Variants in C1GALT1 observed in about 807,000 individuals in gnomAD.
C1GALT1 encodes core 1 synthase, glycoprotein-N-acetylgalactosamine 3-beta-galactosyltransferase 1.
C1GALT1 carries 11 observed loss-of-function variants against 31.0 expected under a neutral mutation model. The observed-to-expected ratio is 0.36, with a 90% CI of 0.22 to 0.59. The LOEUF is 0.59. C1GALT1 is among the 20% of genes least tolerant of loss of function. C1GALT1 has a pLI of 0.79. For missense variants in C1GALT1, 424 were observed against 425.2 expected, an observed-to-expected ratio of 1.00 and a Z score of 0.03; for synonymous variants, 175 against 143.6, an observed-to-expected ratio of 1.22 and a Z score of -1.56.
chr7:7,205,683 C>G (rs1444079962), intron 1 of C1GALT1, among the ~76,000 whole-genome samples: 1 of 151,994 alleles, frequency 6.6e-6, no homozygotes, highest in Non-Finnish European at 1.5e-5. Flanking sequence ...CTTTTGTAAC[C>G]TTTTTTGATT....
At chr7:7,231,451 C>G (rs949116755) in intron 1 of C1GALT1, among the ~76,000 whole-genome samples, 1 of 152,158 alleles carries the variant, frequency 6.6e-6, no homozygotes, top group Non-Finnish European at 1.5e-5. Flanking sequence ...TTAACACTTA[C>G]ATTAGACCCT....
In C1GALT1 at chr7:7,205,724, C is replaced by T. The variant is rs549776247; in HGVS notation, c.-18+22904C>T. Among the ~76,000 whole-genome samples the T allele has an allele frequency of 4.6e-5, 7 of 152,204 alleles. No homozygotes were observed. The East Asian group carries it at 1.3e-3, about 29-fold the overall frequency. Reference sequence around the variant, plus strand: ...TCAATTTTGTCTGATATTAGTATGGCACTTCTGTTCTCTTTGTTCTTGTAT... The same window carrying T: ...TCAATTTTGTCTGATATTAGTATGGTACTTCTGTTCTCTTTGTTCTTGTAT... On this transcript the variant is annotated intron_variant, in intron 1 of 3. Coordinates refer to ENST00000436587, the MANE Select transcript of C1GALT1 (RefSeq NM_020156.5).
upstream of C1GALT1, among the ~76,000 whole-genome samples, chr7:7,179,575 G>A (rs1194984123): frequency 6.6e-6 from 1 of 152,146 alleles, no homozygotes; most frequent in Non-Finnish European, 1.5e-5. Flanking sequence ...TATATATAGT[G>A]CTAAATAAAT....
In C1GALT1 at chr7:7,183,202, GCCGGGCCCTCCCAGTCCCTCCTC is replaced by G. The variant is rs1192612356; in HGVS notation, c.-18+395_-18+417del. Reference sequence around the variant, plus strand: ...CCGGACCACTTAGCGGTCCTGCCCCGCCGGGCCCTCCCAGTCCCTCCTCCCGGGCCCTCCCCGCCCCGCCGCAG... The same window carrying G: ...CCGGACCACTTAGCGGTCCTGCCCCGCCGGGCCCTCCCCGCCCCGCCGCAG... On this transcript the variant is annotated intron_variant, in intron 1 of 3. Coordinates refer to ENST00000436587, the MANE Select transcript of C1GALT1 (RefSeq NM_020156.5). 3.5e-4 allele frequency among the ~76,000 whole-genome samples: 52 copies of G among 146,890 alleles called. No individual in the cohort carries two copies. The East Asian group carries it at 9.0e-3, about 25-fold the overall frequency.
chr7:7,171,084 C>A (rs952579045), intron 2 of C1GALT1, among the ~76,000 whole-genome samples: 2 of 141,374 alleles, frequency 1.4e-5, no homozygotes, highest in Non-Finnish European at 3.1e-5. Flanking sequence ...ATGTATTCTG[C>A]TGTTATTGGG....
intron 2 of C1GALT1, among the ~76,000 whole-genome samples, chr7:7,167,651 T>C (rs1780412642): frequency 6.6e-6 from 1 of 152,134 alleles, no homozygotes; most frequent in African/African-American, 2.4e-5. Flanking sequence ...TGTGGTATGC[T>C]GACATCTTAT....
At chr7:7,203,189 T>A (rs888271307) in intron 1 of C1GALT1, among the ~76,000 whole-genome samples, 2 of 151,986 alleles carry the variant, frequency 1.3e-5, no homozygotes, top group Non-Finnish European at 2.9e-5. Flanking sequence ...TTTGGTTGTC[T>A]TTTGTTTCTT....
intron 2 of C1GALT1, among the ~76,000 whole-genome samples, chr7:7,174,388 G>T (rs1780484036): frequency 6.6e-6 from 1 of 152,170 alleles, no homozygotes; most frequent in South Asian, 2.1e-4. Context: ...ATAACAACGA[G>T]CCCAACTGCT....
intron 1 of C1GALT1, among the ~76,000 whole-genome samples, chr7:7,204,469 A>G (rs879532651): frequency 1.3e-5 from 2 of 151,700 alleles, no homozygotes; most frequent in African/African-American, 2.4e-5. Context: ...TTCTTAGTCT[A>G]GCTAGAGATT....
chr7:7,226,070 T>A (rs775111322), intron 1 of C1GALT1, among the ~76,000 whole-genome samples: 5 of 152,206 alleles, frequency 3.3e-5, no homozygotes, highest in Non-Finnish European at 5.9e-5. Flanking sequence ...AAAGGGATAC[T>A]GCTATCGAGT....
intron 2 of C1GALT1, among the ~76,000 whole-genome samples, chr7:7,165,391 T>C (rs1404988263): frequency 6.6e-6 from 1 of 152,210 alleles, no homozygotes; most frequent in Non-Finnish European, 1.5e-5. Flanking sequence ...TATCCTTTAA[T>C]TTTTGTGAAT....
At chr7:7,219,157 T>G (rs768886601) in intron 1 of C1GALT1, among the ~76,000 whole-genome samples, 1 of 152,228 alleles carries the variant, frequency 6.6e-6, no homozygotes, top group Non-Finnish European at 1.5e-5. Context: ...TTATTTTTCA[T>G]AAAATACATG....
At chr7:7,210,718 T>C (rs1781960847) in intron 1 of C1GALT1, among the ~76,000 whole-genome samples, 2 of 152,052 alleles carry the variant, frequency 1.3e-5, no homozygotes, top group Admixed American at 6.5e-5. Context: ...CATGGCGCCA[T>C]GATGTTCTAC....
intron 1 of C1GALT1, among the ~76,000 whole-genome samples, chr7:7,225,947 C>T (rs1392155887): frequency 6.6e-6 from 1 of 152,066 alleles, no homozygotes. Context: ...TGTGGAAAAA[C>T]TAGTGAACTT....
intron 1 of C1GALT1, among the ~76,000 whole-genome samples, chr7:7,228,522 T>C (rs1327333472): frequency 2.0e-5 from 3 of 152,134 alleles, no homozygotes; most frequent in South Asian, 2.1e-4. Context: ...TCAACACTCT[T>C]GTGGACATGA....
chr7:7,194,837 A>G (rs1781218133), intron 1 of C1GALT1, among the ~76,000 whole-genome samples: 1 of 151,858 alleles, frequency 6.6e-6, no homozygotes, highest in Admixed American at 6.6e-5. Flanking sequence ...TTTAATTACC[A>G]TTTCAGTCTT....
intron 1 of C1GALT1, among the ~76,000 whole-genome samples, chr7:7,226,093 G>T (rs1782747229): frequency 6.6e-6 from 1 of 152,062 alleles, no homozygotes; most frequent in South Asian, 2.1e-4. Flanking sequence ...TCAGGTTGCT[G>T]TGAGCATCAG....
At chr7:7,207,687 C>A (rs1251027910) in intron 1 of C1GALT1, among the ~76,000 whole-genome samples, 1 of 151,200 alleles carries the variant, frequency 6.6e-6, no homozygotes, top group Non-Finnish European at 1.5e-5. Context: ...TCTTTGTATA[C>A]CTTGTGACTT....
chr7:7,183,597 A>G (rs1279663576), intron 1 of C1GALT1: 5 of 984,594 alleles, frequency 5.1e-6, no homozygotes, highest in Non-Finnish European at 6.0e-6. Context: ...GAATTTGGGT[A>G]AGTCGTACAC....
Sources: gnomAD v4.1 joint callset for allele counts (sites outside exome capture counted in the v4.1 genomes callset) on GRCh38, gnomAD v4.1.1 for gene constraint, MANE v1.5 for transcripts, NCBI Gene and HGNC (gene_info 2026-07-23, HGNC 2026-07-21) for gene names.